The following IL1RAPL1 variants were observed in gnomAD, a reference collection of about 807,000 sequenced individuals.
IL1RAPL1 encodes the protein interleukin 1 receptor accessory protein like 1, also known as interleukin-1 receptor accessory protein-like 1.
In IL1RAPL1, 3 loss-of-function variants were observed where a neutral mutation model predicts 48.4. That is an observed-to-expected ratio of 0.06 (90% CI 0.03 to 0.16). IL1RAPL1 has a LOEUF of 0.16. IL1RAPL1 is among the 10% of genes least tolerant of loss of function. The pLI is 1.00. For missense variants in IL1RAPL1, 349 were observed against 530.6 expected (o/e 0.66, Z 3.36); for synonymous variants, 185 against 187.7 (o/e 0.99, Z 0.12).
chrX:28,654,380 G>C (rs1934726653), intron 1 of IL1RAPL1, among the ~76,000 whole-genome samples: 1 of 110,408 alleles, frequency 9.1e-6, no homozygotes, highest in South Asian at 3.8e-4. Context: ...TATCCCCATT[G>C]AAAAATTACT....
chrX:28,925,140 A>T (rs1326273479), intron 2 of IL1RAPL1, among the ~76,000 whole-genome samples: 2 of 111,898 alleles, frequency 1.8e-5, no homozygotes, highest in Non-Finnish European at 3.8e-5. Context: ...TAATGCTAGA[A>T]TTTTTATCGC....
At chrX:29,818,871 C>T (rs1383045882) in intron 6 of IL1RAPL1, among the ~76,000 whole-genome samples, 1 of 112,191 alleles carries the variant, frequency 8.9e-6, no homozygotes, top group East Asian at 2.8e-4. Flanking sequence ...CAGTATATAT[C>T]ACAAATATCT....
chrX:29,532,504 C>T (rs987214822), intron 5 of IL1RAPL1, among the ~76,000 whole-genome samples: 4 of 111,544 alleles, frequency 3.6e-5, no homozygotes, highest in Admixed American at 9.5e-5. Context: ...GCCTCTGACA[C>T]TAATAACCAA....
intron 5 of IL1RAPL1, among the ~76,000 whole-genome samples, chrX:29,414,529 G>A (rs745829603): frequency 2.3e-4 from 25 of 110,546 alleles, no homozygotes; most frequent in African/African-American, 8.2e-4. Flanking sequence ...GACCAGCCTG[G>A]GCAACATGGG....
intron 2 of IL1RAPL1, among the ~76,000 whole-genome samples, chrX:28,808,172 A>G (rs747301287): frequency 3.6e-4 from 40 of 111,535 alleles, no homozygotes; most frequent in Non-Finnish European, 6.2e-4. Context: ...TAATGGCTTA[A>G]CTCAGACACG....
chrX:28,668,119 A>G (rs184938284), intron 1 of IL1RAPL1, among the ~76,000 whole-genome samples: 2 of 111,721 alleles, frequency 1.8e-5, no homozygotes, highest in Admixed American at 9.5e-5. Context: ...GTGCATTGCA[A>G]TTACCCTTTT....
rs745597809 is a variant in IL1RAPL1 at position 28,766,389 on chromosome X, A to T, written c.-24-22931A>T. Among the ~76,000 whole-genome samples the T allele has an allele frequency of 1.4e-4, 15 of 110,613 alleles. No homozygotes were observed. In the South Asian group the frequency reaches 5.9e-3, roughly 44 times the overall value. ...AAATGACACACTCTTTAAAAAAAAA[A>T]ATTATTATTTTTAGTTTTTGTGGGT... On this transcript the variant is annotated intron_variant, in intron 1 of 10. Coordinates refer to ENST00000378993, the MANE Select transcript of IL1RAPL1 (RefSeq NM_014271.4).
chrX:29,606,834 C>T, intron 5 of IL1RAPL1, among the ~76,000 whole-genome samples: 1 of 110,514 alleles, frequency 9.0e-6, no homozygotes, highest in South Asian at 3.8e-4. Flanking sequence ...AGACATAAAA[C>T]ATGACTTGCT....
intron 6 of IL1RAPL1, among the ~76,000 whole-genome samples, chrX:29,759,647 T>G (rs990885416): frequency 4.5e-5 from 5 of 112,201 alleles, no homozygotes; most frequent in African/African-American, 1.3e-4. Context: ...AGGTACTATA[T>G]TATGCACACA....
chrX:28,622,441 G>T (rs1457628950), intron 1 of IL1RAPL1, among the ~76,000 whole-genome samples: 1 of 111,192 alleles, frequency 9.0e-6, no homozygotes, highest in African/African-American at 3.3e-5. Flanking sequence ...TTAGTGAATT[G>T]TTTTTTTAAA....
rs34345826 is a variant in IL1RAPL1 at position 29,954,235 on chromosome X, C to CAAAAAAAAAAA, written c.1202-269_1202-259dup. ...TGGACAACTGAGCAAGACTGTGTCC[C>CAAAAAAAAAAA]AAAAAAAAAAAAAAAAAAAAAAAAA... On this transcript the variant is annotated intron_variant, in intron 9 of 10. Transcript: ENST00000378993. Among the ~76,000 whole-genome samples, 62 of 30,426 alleles carry CAAAAAAAAAAA rather than the reference C, an allele frequency of 2.0e-3. 2 individuals carry two copies. The highest frequency in any genetic ancestry group is 2.6e-3 in the African/African-American group (17 of 6,623). The allele number at this position is 30,426 out of a possible 115,157, so 26.4% of individuals were successfully genotyped here.
intron 2 of IL1RAPL1, among the ~76,000 whole-genome samples, chrX:28,957,119 C>T (rs1354839244): frequency 9.0e-6 from 1 of 110,874 alleles, no homozygotes; most frequent in Non-Finnish European, 1.9e-5. Context: ...TCCCCTTTAT[C>T]ATTTTTTATT....
At chrX:29,467,592 G>C (rs1934877443) in intron 5 of IL1RAPL1, among the ~76,000 whole-genome samples, 1 of 112,127 alleles carries the variant, frequency 8.9e-6, no homozygotes, top group Admixed American at 9.4e-5. Context: ...CCTTGTACTG[G>C]CCTGTGGCAG....
At chrX:29,701,030 C>T (rs1927035840) in intron 6 of IL1RAPL1, among the ~76,000 whole-genome samples, 1 of 111,799 alleles carries the variant, frequency 8.9e-6, no homozygotes, top group African/African-American at 3.2e-5. Context: ...CAAGGACCAT[C>T]AGAGAAAGGA....
intron 5 of IL1RAPL1, among the ~76,000 whole-genome samples, chrX:29,505,152 C>T (rs1254480925): frequency 2.7e-5 from 3 of 111,284 alleles, no homozygotes; most frequent in Admixed American, 9.5e-5. Flanking sequence ...AGCTACATCC[C>T]CCCACAGTTT....
intron 6 of IL1RAPL1, among the ~76,000 whole-genome samples, chrX:29,896,140 C>T (rs757374950): frequency 3.7e-4 from 41 of 111,752 alleles, no homozygotes; most frequent in African/African-American, 1.3e-3. Flanking sequence ...TATCAGTGGA[C>T]GTCAGACTGC....
chrX:28,941,894 C>G (rs1414409481), intron 2 of IL1RAPL1, among the ~76,000 whole-genome samples: 1 of 108,101 alleles, frequency 9.3e-6, no homozygotes, highest in African/African-American at 3.4e-5. Flanking sequence ...TTTAATAAAT[C>G]TAATTAAGTA....
chrX:29,328,394 G>A (rs368821852), intron 3 of IL1RAPL1, among the ~76,000 whole-genome samples: 1 of 110,559 alleles, frequency 9.0e-6, no homozygotes, highest in East Asian at 2.8e-4. Context: ...GTTTTTTAGT[G>A]GCTCTCCCTA....
intron 2 of IL1RAPL1, among the ~76,000 whole-genome samples, chrX:29,144,874 G>A (rs1373040198): frequency 1.9e-5 from 2 of 106,869 alleles, no homozygotes; most frequent in Non-Finnish European, 3.8e-5. Flanking sequence ...TTACAGGCGC[G>A]CACCACCATG....
Sources: gnomAD v4.1 joint callset for allele counts (sites outside exome capture counted in the v4.1 genomes callset) on GRCh38, gnomAD v4.1.1 for gene constraint, MANE v1.5 for transcripts, NCBI Gene and HGNC (gene_info 2026-07-23, HGNC 2026-07-21) for gene names.